Variants in SGCZ observed in about 807,000 individuals in gnomAD.
The protein encoded by SGCZ is zeta-sarcoglycan.
A neutral mutation model predicts 41.3 loss-of-function variants in SGCZ; 40 were observed. That is an observed-to-expected ratio of 0.97 (90% CI 0.75 to 1.26). The LOEUF is 1.26. SGCZ is among the 50% of genes most tolerant of loss of function. The probability of loss-of-function intolerance (pLI) is 0.00; values close to 1 mark genes in which losing one functional copy is unlikely to be tolerated. For missense variants in SGCZ, 552 were observed against 369.8 expected (o/e 1.49, Z -4.04); for synonymous variants, 206 against 137.5 (o/e 1.50, Z -3.49).
intron 4 of SGCZ, among the ~76,000 whole-genome samples, chr8:14,185,384 C>G (rs552421410): frequency 1.3e-5 from 2 of 152,228 alleles, no homozygotes; most frequent in African/African-American, 4.8e-5. Flanking sequence ...GCCTGGGCAA[C>G]AGAGCAAGAC....
At chr8:14,971,390 T>C (rs1801292488) in intron 1 of SGCZ, among the ~76,000 whole-genome samples, 1 of 152,156 alleles carries the variant, frequency 6.6e-6, no homozygotes, top group Non-Finnish European at 1.5e-5. Flanking sequence ...TCTTTAAGTA[T>C]GATGCTAGCT....
intron 3 of SGCZ, among the ~76,000 whole-genome samples, chr8:14,271,119 G>A (rs998781953): frequency 5.3e-5 from 8 of 151,670 alleles, no homozygotes; most frequent in East Asian, 3.9e-4. Flanking sequence ...AATGGGTGCC[G>A]CACACCAATA....
intron 1 of SGCZ, among the ~76,000 whole-genome samples, chr8:14,627,429 T>C (rs2117387374): frequency 6.6e-6 from 1 of 152,226 alleles, no homozygotes; most frequent in Middle Eastern, 3.4e-3. Flanking sequence ...TTTTGATCCA[T>C]TGTGTTTCTT....
chr8:15,225,119 C>A (rs1801726151), intron 1 of SGCZ, among the ~76,000 whole-genome samples: 1 of 152,072 alleles, frequency 6.6e-6, no homozygotes, highest in Non-Finnish European at 1.5e-5. Context: ...TAATCCCCAA[C>A]AAGTGAAAAC....
chr8:14,931,767 G>A (rs538092192), intron 1 of SGCZ, among the ~76,000 whole-genome samples: 1 of 152,032 alleles, frequency 6.6e-6, no homozygotes, highest in South Asian at 2.1e-4. Context: ...CTTTGTCCAA[G>A]GGTTGAACAT....
At chr8:14,576,185 T>C (rs1290099874) in intron 1 of SGCZ, among the ~76,000 whole-genome samples, 2 of 152,180 alleles carry the variant, frequency 1.3e-5, no homozygotes, top group African/African-American at 4.8e-5. Context: ...ATGAGAGCCA[T>C]GCAAATCTCC....
intron 2 of SGCZ, among the ~76,000 whole-genome samples, chr8:14,363,335 T>G (rs1803593571): frequency 2.6e-5 from 4 of 152,178 alleles, no homozygotes. Context: ...ACTTTCAGAC[T>G]GAGACTAGAC....
intron 2 of SGCZ, among the ~76,000 whole-genome samples, chr8:14,459,261 C>G (rs1050994014): frequency 6.6e-6 from 1 of 151,316 alleles, no homozygotes; most frequent in African/African-American, 2.4e-5. Flanking sequence ...ACACCGGGGC[C>G]TGTTGTGGGG....
intron 4 of SGCZ, among the ~76,000 whole-genome samples, chr8:14,199,467 C>T (rs1463833630): frequency 2.0e-5 from 3 of 151,878 alleles, no homozygotes; most frequent in Non-Finnish European, 4.4e-5. Context: ...GCCCTGCCTC[C>T]ATTTGCCTTG....
intron 1 of SGCZ, among the ~76,000 whole-genome samples, chr8:14,825,105 A>G (rs903905471): frequency 6.6e-6 from 1 of 151,898 alleles, no homozygotes; most frequent in Non-Finnish European, 1.5e-5. Context: ...CCAGCTAGTA[A>G]CCTACTGGTA....
chr8:15,109,924 T>A (rs1486287684), intron 1 of SGCZ, among the ~76,000 whole-genome samples: 1 of 152,174 alleles, frequency 6.6e-6, no homozygotes, highest in East Asian at 1.9e-4. Context: ...GGAATATACA[T>A]ATATACAAAT....
intron 4 of SGCZ, among the ~76,000 whole-genome samples, chr8:14,222,183 T>A (rs924991668): frequency 6.6e-6 from 1 of 152,078 alleles, no homozygotes; most frequent in African/African-American, 2.4e-5. Flanking sequence ...TTTTGTTTTG[T>A]TTTTTGAGGC....
chr8:14,103,255 CA>C (rs1297954447), intron 6 of SGCZ, among the ~76,000 whole-genome samples: 1 of 146,692 alleles, frequency 6.8e-6, no homozygotes, highest in Non-Finnish European at 1.5e-5. Context: ...AAACTATCTT[CA>C]AATATAACAC....
chr8:15,075,404 A>G (rs141909891), intron 1 of SGCZ, among the ~76,000 whole-genome samples: 2 of 152,194 alleles, frequency 1.3e-5, no homozygotes, highest in Admixed American at 6.5e-5. Flanking sequence ...TTTTAAAAGC[A>G]TGCTGAACTT....
chr8:14,429,016 T>C (rs1219218886), intron 2 of SGCZ, among the ~76,000 whole-genome samples: 2 of 152,162 alleles, frequency 1.3e-5, no homozygotes, highest in Non-Finnish European at 2.9e-5. Context: ...GCTGATTTAT[T>C]TCATTACTGG....
At chr8:14,165,962 T>A (rs1247841364) in intron 4 of SGCZ, among the ~76,000 whole-genome samples, 1 of 151,794 alleles carries the variant, frequency 6.6e-6, no homozygotes, top group Non-Finnish European at 1.5e-5. Flanking sequence ...AACTTACTCC[T>A]CCCCATCATC....
chr8:14,576,326 C>G (rs907102718), intron 1 of SGCZ, among the ~76,000 whole-genome samples: 1 of 152,046 alleles, frequency 6.6e-6, no homozygotes, highest in Non-Finnish European at 1.5e-5. Context: ...GAAAGTCTAT[C>G]CTGAAGTGAG....
intron 1 of SGCZ, among the ~76,000 whole-genome samples, chr8:15,221,940 G>C (rs556495411): frequency 9.3e-4 from 142 of 152,294 alleles, no homozygotes; most frequent in African/African-American, 3.3e-3. Flanking sequence ...ATCTCTGTCT[G>C]AGTCTTCAAT....
chr8:14,358,027 G>T (rs1377994881), intron 2 of SGCZ, among the ~76,000 whole-genome samples: 1 of 151,976 alleles, frequency 6.6e-6, no homozygotes, highest in African/African-American at 2.4e-5. Flanking sequence ...ATTGACAATG[G>T]CCCGTGTTTA....
Sources: gnomAD v4.1 joint callset for allele counts (sites outside exome capture counted in the v4.1 genomes callset) on GRCh38, gnomAD v4.1.1 for gene constraint, MANE v1.5 for transcripts, NCBI Gene and HGNC (gene_info 2026-07-23, HGNC 2026-07-21) for gene names.